Variants in HFM1 observed in about 807,000 individuals in gnomAD.
HFM1 encodes the protein helicase for meiosis 1.
HFM1 carries 169 observed loss-of-function variants against 192.1 expected under a neutral mutation model. That is an observed-to-expected ratio of 0.88 (90% confidence interval 0.78 to 1.00). The LOEUF (loss-of-function observed/expected upper bound fraction) is 1.00, where lower values mean the gene tolerates loss of function less well. Ranked by LOEUF, HFM1 falls within the 50% of genes least tolerant of loss-of-function variation. HFM1 has a pLI of 0.00. For synonymous variants in HFM1, 525 were observed against 537.8 expected (o/e 0.98, Z 0.33); for missense variants, 1,661 against 1,668.0 (o/e 1.00, Z 0.07).
chr1:91,322,795 AATC>A (rs1357236430), intron 23 of HFM1, among the ~76,000 whole-genome samples, 152 bp downstream of exon 23: 3 of 152,174 alleles, frequency 2.0e-5, no homozygotes, highest in Non-Finnish European at 2.9e-5. Flanking sequence ...AGCATTCACA[AATC>A]ATCAATTTTA....
chr1:91,283,374 G>T (rs947577334), intron 30 of HFM1, among the ~76,000 whole-genome samples: 6 of 152,122 alleles, frequency 3.9e-5, no homozygotes, highest in Non-Finnish European at 8.8e-5. Context: ...CCCCTCAGTA[G>T]CTGGGACTAC....
intron 34 of HFM1, among the ~76,000 whole-genome samples, chr1:91,273,297 A>G (rs1288009391): frequency 6.6e-6 from 1 of 152,046 alleles, no homozygotes. Context: ...CTAAAGCCCA[A>G]AGAGATTAAA....
intron 13 of HFM1, among the ~76,000 whole-genome samples, chr1:91,367,438 C>T (rs908458968): frequency 2.0e-5 from 3 of 151,294 alleles, no homozygotes; most frequent in Admixed American, 6.6e-5. Flanking sequence ...GCAGCATTTG[C>T]GGTTCACCAA....
intron 13 of HFM1, among the ~76,000 whole-genome samples, chr1:91,363,524 CAA>C (rs140616807): frequency 3.4e-5 from 4 of 118,138 alleles, no homozygotes; most frequent in Admixed American, 1.7e-4. Flanking sequence ...ACTAAAAAGT[CAA>C]AAAAAAAAAA....
chr1:91,289,871 G>C (rs931650667), intron 30 of HFM1, among the ~76,000 whole-genome samples: 2 of 152,072 alleles, frequency 1.3e-5, no homozygotes, highest in Non-Finnish European at 2.9e-5. Flanking sequence ...AGGGAGACGA[G>C]AGGGAGAGGG....
At chr1:91,293,685 C>A (rs944671993) in intron 30 of HFM1, among the ~76,000 whole-genome samples, 21 of 151,916 alleles carry the variant, frequency 1.4e-4, no homozygotes, top group Admixed American at 8.5e-4. Flanking sequence ...TTGACCCAGC[C>A]ATCCCCTTAC....
intron 13 of HFM1, among the ~76,000 whole-genome samples, chr1:91,357,847 T>C (rs1291049032): frequency 6.6e-6 from 1 of 152,120 alleles, no homozygotes; most frequent in Non-Finnish European, 1.5e-5. Context: ...ATCCCAGTTA[T>C]GACAGCATAA....
At chr1:91,323,327 T>C in intron 21 of HFM1, 128 bp from the exon 22 acceptor site, 1 of 608,426 alleles carries the variant, frequency 1.6e-6, no homozygotes, top group Non-Finnish European at 2.8e-6. Context: ...CATAACAGAG[T>C]TAAAAACCTG....
chr1:91,317,868 C>CT (rs1344311025), intron 25 of HFM1, among the ~76,000 whole-genome samples: 3 of 151,594 alleles, frequency 2.0e-5, no homozygotes, highest in Non-Finnish European at 4.4e-5. Context: ...GATTCTCTCA[C>CT]TTTTATATGA....
chr1:91,348,117 T>C (rs1306884449), intron 18 of HFM1, among the ~76,000 whole-genome samples: 2 of 152,280 alleles, frequency 1.3e-5, no homozygotes, highest in East Asian at 3.9e-4. Context: ...TGTGGTTACA[T>C]GTGTGTATAT....
intron 30 of HFM1, among the ~76,000 whole-genome samples, chr1:91,286,024 C>T (rs1042635811): frequency 6.6e-6 from 1 of 152,156 alleles, no homozygotes; most frequent in South Asian, 2.1e-4. Context: ...AGTAGCAATG[C>T]TGGCAATTTG....
At chr1:91,274,673 G>A (rs964850903) in intron 33 of HFM1, 57 bp downstream of exon 33, 61 of 867,236 alleles carry the variant, frequency 7.0e-5, no homozygotes, top group Non-Finnish European at 1.0e-4. Context: ...GTGGTTACCT[G>A]CAGGAACAGA....
In HFM1 at chr1:91,313,497, T is replaced by C. The variant is rs780965851; in HGVS notation, c.3245-2A>G. 71 of 1,560,412 alleles carry C rather than the reference T, an allele frequency of 4.6e-5. No individual in the cohort carries two copies. Among genetic ancestry groups the C allele is most frequent in the Non-Finnish European group, 6.1e-5 (71 of 1,155,528 alleles). On this transcript the variant is annotated splice_acceptor_variant, in intron 29 of 38. Transcript: ENST00000370425. LOFTEE classifies it high-confidence loss of function. The stretch of plus-strand genomic sequence containing the variant: ...GTTTCTGCTGAATATCAAGCCCAAC[T>C]GGAAAATGAAAAAAAAGTACACAAA...
chr1:91,277,977 T>TTA lies in HFM1; in HGVS notation c.3392-917_3392-916dup, dbSNP rs571193230. ...TTATATATACTTTATATACATTATA[T>TTA]TATATATATATAAAATAGGGCCAAA... On this transcript the variant is annotated intron_variant, in intron 30 of 38. Transcript: ENST00000370425. Among the ~76,000 whole-genome samples the TTA allele has an allele frequency of 7.1e-5, 10 of 141,428 alleles. No individual in the cohort carries two copies. The South Asian group carries it at 1.1e-3, about 15-fold the overall frequency. 92.8% of individuals were successfully genotyped at this position (141,428 alleles called of 152,430 possible). A position where few individuals can be genotyped will look rare whatever the true frequency, so the allele number is the denominator to read the frequency against.
At chr1:91,373,342 T>A (rs1443826174) in intron 13 of HFM1, among the ~76,000 whole-genome samples, 2 of 152,090 alleles carry the variant, frequency 1.3e-5, no homozygotes, top group East Asian at 3.9e-4. Context: ...TCTGCTCATA[T>A]CCACATGTCC....
chr1:91,270,722 A>C (rs1295820531), intron 34 of HFM1, among the ~76,000 whole-genome samples: 1 of 152,170 alleles, frequency 6.6e-6, no homozygotes, highest in Non-Finnish European at 1.5e-5. Context: ...CAGTAGTATC[A>C]AATACTATAG....
intron 18 of HFM1, 117 bp downstream of exon 18, chr1:91,350,621 C>T: frequency 2.4e-6 from 2 of 848,292 alleles, no homozygotes; most frequent in South Asian, 1.8e-5. Flanking sequence ...ACTGTTGTTA[C>T]CTTTTGTTTT....
rs1409694941 is a variant in HFM1 at position 91,374,866 on chromosome 1, A to T, written c.1685+492T>A. Among the ~76,000 whole-genome samples, 4 of 152,294 alleles carry T rather than the reference A, an allele frequency of 2.6e-5. No homozygotes were observed. The East Asian group carries it at 7.7e-4, about 29-fold the overall frequency. Reference sequence around the variant, plus strand: ...ATGTGAGTACTTACAAACACCTAAGAGTGTGGCATTAGAAAGAATGAACCT... The same window carrying T: ...ATGTGAGTACTTACAAACACCTAAGTGTGTGGCATTAGAAAGAATGAACCT... On this transcript the variant is annotated intron_variant, in intron 13 of 38. Transcript: ENST00000370425.
chr1:91,261,255 C>T lies in HFM1; in HGVS notation c.*35G>A. ...TGCTTTGTGATTAGGTGTCTTTATT[C>T]TTTCTCTTATCAATATAAAAAGTAT... On this transcript the variant is annotated 3_prime_UTR_variant, in exon 39 of 39. Transcript: ENST00000370425. The T allele has an allele frequency of 1.1e-6, 1 of 926,344 alleles. No individual in the cohort carries two copies. Among genetic ancestry groups the T allele is most frequent in the Non-Finnish European group, 1.5e-6 (1 of 666,466 alleles). The allele number at this position is 926,344 out of a possible 1,614,324, so 57.4% of individuals were successfully genotyped here. A position where few individuals can be genotyped will look rare whatever the true frequency, so the allele number is the denominator to read the frequency against.
Sources: allele counts gnomAD v4.1 joint callset (sites outside exome capture counted in the v4.1 genomes callset), GRCh38; gene constraint gnomAD v4.1.1; transcripts MANE v1.5; gene names NCBI Gene and HGNC (gene_info 2026-07-23, HGNC 2026-07-21).